The following NXPH1 variants were observed in gnomAD, a reference collection of about 807,000 sequenced individuals.
NXPH1 encodes the protein neurexophilin 1.
In NXPH1, 5 loss-of-function variants were observed where a neutral mutation model predicts 23.7. The observed-to-expected ratio is 0.21, with a 90% CI of 0.11 to 0.44. The LOEUF (loss-of-function observed/expected upper bound fraction) is 0.44, where lower values mean the gene tolerates loss of function less well. NXPH1 is among the 20% of genes least tolerant of loss of function. The probability of loss-of-function intolerance (pLI) is 0.99; values close to 1 mark genes in which losing one functional copy is unlikely to be tolerated. For synonymous variants in NXPH1, 144 were observed against 122.2 expected, an observed-to-expected ratio of 1.18 and a Z score of -1.18; for missense variants, 324 against 321.6, an observed-to-expected ratio of 1.01 and a Z score of -0.06.
chr7:8,685,773 G>A (rs971415477), intron 2 of NXPH1, among the ~76,000 whole-genome samples: 36 of 151,940 alleles, frequency 2.4e-4, no homozygotes, highest in African/African-American at 8.2e-4. Context: ...CAGAGCCTGG[G>A]AAGGGTAGTG....
At chr7:8,566,396 G>C (rs986961894) in intron 2 of NXPH1, among the ~76,000 whole-genome samples, 8 of 151,844 alleles carry the variant, frequency 5.3e-5, no homozygotes, top group African/African-American at 1.9e-4. Context: ...CTAGGAAAGT[G>C]GTAAAGCATT....
chr7:8,515,531 C>T (rs1817673899), intron 2 of NXPH1, among the ~76,000 whole-genome samples: 1 of 151,996 alleles, frequency 6.6e-6, no homozygotes, highest in South Asian at 2.1e-4. Flanking sequence ...TTTTATGAAT[C>T]AGTATAATTT....
intron 2 of NXPH1, among the ~76,000 whole-genome samples, chr7:8,683,783 T>C (rs553590728): frequency 1.3e-5 from 2 of 152,288 alleles, no homozygotes. Context: ...TTGACACATA[T>C]TATGTTCAAG....
intron 2 of NXPH1, among the ~76,000 whole-genome samples, chr7:8,528,986 G>T (rs1386350499): frequency 6.6e-6 from 1 of 152,176 alleles, no homozygotes; most frequent in Non-Finnish European, 1.5e-5. Flanking sequence ...TTCCCATCTG[G>T]GGTTCAGTGT....
intron 2 of NXPH1, among the ~76,000 whole-genome samples, chr7:8,530,394 C>A (rs1192929935): frequency 2.0e-5 from 3 of 152,200 alleles, no homozygotes; most frequent in Non-Finnish European, 4.4e-5. Flanking sequence ...TAATTAGCCA[C>A]ATATCATACA....
At chr7:8,626,264 G>T (rs538947073) in intron 2 of NXPH1, among the ~76,000 whole-genome samples, 18 of 152,100 alleles carry the variant, frequency 1.2e-4, no homozygotes, top group African/African-American at 4.3e-4. Flanking sequence ...AGCATGGTTG[G>T]ATATACATCA....
chr7:8,699,159 A>C (rs1322363817), intron 2 of NXPH1, among the ~76,000 whole-genome samples: 1 of 152,162 alleles, frequency 6.6e-6, no homozygotes, highest in African/African-American at 2.4e-5. Flanking sequence ...AGTTGTTGAG[A>C]TATCTTACAG....
At chr7:8,438,720 A>G (rs377765968) in intron 2 of NXPH1, among the ~76,000 whole-genome samples, 76 of 152,352 alleles carry the variant, frequency 5.0e-4, no homozygotes, top group African/African-American at 1.7e-3. Context: ...AAAACTCTGC[A>G]GTAGGTCAAT....
chr7:8,552,416 G>A (rs1205312878), intron 2 of NXPH1, among the ~76,000 whole-genome samples: 1 of 151,218 alleles, frequency 6.6e-6, no homozygotes, highest in African/African-American at 2.4e-5. Flanking sequence ...AGCTTCTTAG[G>A]AGAACATAAT....
intron 2 of NXPH1, among the ~76,000 whole-genome samples, chr7:8,720,084 G>C (rs1779946749): frequency 6.6e-6 from 1 of 151,986 alleles, no homozygotes; most frequent in South Asian, 2.1e-4. Context: ...GCTCCTTTTG[G>C]AGAATGATGA....
intron 2 of NXPH1, among the ~76,000 whole-genome samples, chr7:8,749,277 A>AT (rs1780524690): frequency 6.6e-6 from 1 of 152,192 alleles, no homozygotes; most frequent in African/African-American, 2.4e-5. Flanking sequence ...AGTAGATATC[A>AT]TATTGCCTAC....
At chr7:8,624,738 T>A (rs1297079340) in intron 2 of NXPH1, among the ~76,000 whole-genome samples, 1 of 152,094 alleles carries the variant, frequency 6.6e-6, no homozygotes, top group East Asian at 1.9e-4. Flanking sequence ...CATTTGGGAT[T>A]AGGAGTTGAG....
chr7:8,751,364 A>T lies in NXPH1; in HGVS notation c.411A>T (p.Ile137=). ...AAACAGTGAAGCTGAACCTGTTGAT[A>T]ACTGGGAAAATTGTAGATCATGGCA... ...NIKTVKLNLL[I]TGKIVDHGNG... The change falls in exon 3 of 3, where the codon ATA becomes ATT. Residue 137 remains isoleucine, a synonymous_variant. Coordinates refer to ENST00000405863, the MANE Select transcript of NXPH1 (RefSeq NM_152745.3). This position sits in a 1 kb window ranked among gnomAD's most constrained non-coding sequence, Gnocchi z 4.5. 1 of 1,613,926 alleles carries T rather than the reference A, an allele frequency of 6.2e-7. No individual in the cohort carries two copies. Among genetic ancestry groups the T allele is most frequent in the Non-Finnish European group, 8.5e-7 (1 of 1,179,854 alleles).
At chr7:8,563,803 T>C (rs929487811) in intron 2 of NXPH1, among the ~76,000 whole-genome samples, 4 of 151,820 alleles carry the variant, frequency 2.6e-5, no homozygotes, top group African/African-American at 7.2e-5. Context: ...CAGAAATTCT[T>C]TGGGAATGCC....
intron 2 of NXPH1, among the ~76,000 whole-genome samples, chr7:8,510,264 A>T (rs369548949): frequency 2.0e-5 from 3 of 152,146 alleles, no homozygotes; most frequent in African/African-American, 7.2e-5. Flanking sequence ...TGATGAATGT[A>T]ATCATAGTCT....
intron 2 of NXPH1, among the ~76,000 whole-genome samples, chr7:8,612,435 C>T (rs1486246976): frequency 6.6e-6 from 1 of 151,976 alleles, no homozygotes; most frequent in Admixed American, 6.6e-5. Context: ...TAGCAGCACT[C>T]AAGAGACACT....
chr7:8,535,208 C>G (rs1818009234), intron 2 of NXPH1, among the ~76,000 whole-genome samples: 1 of 151,984 alleles, frequency 6.6e-6, no homozygotes, highest in Non-Finnish European at 1.5e-5. Context: ...GTAGTCCTAT[C>G]TTTGACTCAG....
chr7:8,653,504 A>G (rs1820522732), intron 2 of NXPH1, among the ~76,000 whole-genome samples: 1 of 152,212 alleles, frequency 6.6e-6, no homozygotes, highest in Non-Finnish European at 1.5e-5. Context: ...AAATGACTTT[A>G]AACCCTTTTG....
chr7:8,474,322 C>T (rs1300385256), intron 2 of NXPH1, among the ~76,000 whole-genome samples: 1 of 151,946 alleles, frequency 6.6e-6, no homozygotes, highest in Non-Finnish European at 1.5e-5. Flanking sequence ...AGAAATGATA[C>T]AGAAAAAGAA....
Sources: gnomAD v4.1 joint callset for allele counts (sites outside exome capture counted in the v4.1 genomes callset) on GRCh38, gnomAD v4.1.1 for gene constraint, Gnocchi (gnomAD v3.1) non-coding constraint, MANE v1.5 for transcripts, NCBI Gene and HGNC (gene_info 2026-07-23, HGNC 2026-07-21) for gene names.